Variants in MID2 observed in about 807,000 individuals in gnomAD.
The protein encoded by MID2 is probable E3 ubiquitin-protein ligase MID2.
In MID2, 13 loss-of-function variants were observed where a neutral mutation model predicts 46.1. The observed-to-expected ratio is 0.28, with a 90% CI of 0.18 to 0.45. The LOEUF (loss-of-function observed/expected upper bound fraction) is 0.45, where lower values mean the gene tolerates loss of function less well. Ranked by LOEUF, MID2 falls within the 20% of genes least tolerant of loss-of-function variation. The pLI is 1.00. For synonymous variants in MID2, 199 were observed against 212.3 expected (o/e 0.94, Z 0.55); for missense variants, 431 against 575.4 (o/e 0.75, Z 2.57).
chrX:107,894,066 C>G (rs998400551), intron 3 of MID2, among the ~76,000 whole-genome samples: 7 of 112,016 alleles, frequency 6.2e-5, no homozygotes, highest in African/African-American at 2.3e-4. Flanking sequence ...TCCCTGCCTC[C>G]CTCATCTGGT....
chrX:107,918,812 A>G (rs781438964), intron 7 of MID2, among the ~76,000 whole-genome samples: 2 of 112,321 alleles, frequency 1.8e-5, no homozygotes, highest in South Asian at 7.4e-4. Context: ...TTTTCCTGAT[A>G]TGGGGAAAGC....
chrX:107,831,214 G>C (rs1010788119), intron 1 of MID2, among the ~76,000 whole-genome samples: 1 of 111,434 alleles, frequency 9.0e-6, no homozygotes, highest in African/African-American at 3.3e-5. Flanking sequence ...TTGGGTTCTG[G>C]CCTCCCTGCA....
Position 107,931,229 on chromosome X carries a change from GGA to G in MID2, c.*4160_*4161del. ...TTTGATACTGCTTCCTCCAAGGAAT[GGA>G]GAGTGTCAGGCAGGTAGGTAAGAAC... is the stretch of plus-strand genomic sequence containing the variant. On this transcript the variant is annotated 3_prime_UTR_variant, in exon 10 of 10. Transcript: ENST00000262843. Among the ~76,000 whole-genome samples the G allele has an allele frequency of 8.9e-6, 1 of 112,299 alleles. No homozygotes were observed. The highest frequency in any genetic ancestry group is 2.8e-4 in the East Asian group (1 of 3,581).
chrX:107,862,778 G>A (rs995622668), intron 3 of MID2, among the ~76,000 whole-genome samples: 10 of 112,190 alleles, frequency 8.9e-5, no homozygotes, highest in African/African-American at 3.2e-4. Flanking sequence ...GATTTAAAAT[G>A]TTTATTAGCA....
chrX:107,860,138 G>A (rs2085224259), intron 3 of MID2, among the ~76,000 whole-genome samples: 2 of 111,325 alleles, frequency 1.8e-5, no homozygotes, highest in South Asian at 7.7e-4. Context: ...GAGAGATGAA[G>A]GCCCAGCTTG....
At chrX:107,918,292 A>G (rs1933007210) in intron 7 of MID2, among the ~76,000 whole-genome samples, 1 of 111,479 alleles carries the variant, frequency 9.0e-6, no homozygotes, top group Non-Finnish European at 1.9e-5. Context: ...AACTTCACTC[A>G]TGCCAGTCAA....
At chrX:107,898,863 G>A (rs1405061965) in intron 3 of MID2, among the ~76,000 whole-genome samples, 1 of 112,121 alleles carries the variant, frequency 8.9e-6, no homozygotes, top group Admixed American at 9.5e-5. Context: ...AGAGTGGAGA[G>A]CACTGAGACG....
chrX:107,913,076 A>C lies in MID2; in HGVS notation c.1074-2926A>C, dbSNP rs112919920. On this transcript the variant is annotated intron_variant, in intron 5 of 9. Transcript: ENST00000262843. ...GACAGTCAGATACACACACACACAC[A>C]CCCCACCATGTCACTTTTAACCCAT... Among the ~76,000 whole-genome samples the C allele has an allele frequency of 8.8e-3, 976 of 110,939 alleles. 6 individuals are homozygous for C. Among genetic ancestry groups the C allele is most frequent in the Middle Eastern group, 0.028 (6 of 215 alleles).
At chrX:107,841,605 G>A (rs1931349323) in intron 2 of MID2, among the ~76,000 whole-genome samples, 1 of 112,455 alleles carries the variant, frequency 8.9e-6, no homozygotes, top group Non-Finnish European at 1.9e-5. Context: ...CTTTTGGGGA[G>A]TCAGCTCATG....
chrX:107,827,462 G>A (rs1025748305), intron 1 of MID2, among the ~76,000 whole-genome samples: 1 of 111,091 alleles, frequency 9.0e-6, no homozygotes, highest in African/African-American at 3.3e-5. Flanking sequence ...AGTGTGGGGC[G>A]GATAGATGGT....
intron 3 of MID2, among the ~76,000 whole-genome samples, chrX:107,866,422 AACACACACAC>A (rs57100746): frequency 0.075 from 6,044 of 81,072 alleles, 243 homozygotes; most frequent in African/African-American, 0.13. Flanking sequence ...AGCCACTGAA[AACACACACAC>A]ACACACACAC....
At chrX:107,826,482 G>A in intron 1 of MID2, 52 bp downstream of exon 1, 1 of 1,115,384 alleles carries the variant, frequency 9.0e-7, no homozygotes, top group East Asian at 3.9e-5. Context: ...CGTAGCCCTC[G>A]CAGGGCTAGT....
intron 3 of MID2, among the ~76,000 whole-genome samples, chrX:107,902,240 T>C (rs1402275262): frequency 8.9e-6 from 1 of 111,854 alleles, no homozygotes; most frequent in African/African-American, 3.3e-5. Flanking sequence ...ATGCCAGGCA[T>C]ATAGTGTTAT....
rs369983621 is a variant in MID2 at position 107,899,444 on chromosome X, T to C, written c.817-4514T>C. 4.6e-4 allele frequency among the ~76,000 whole-genome samples: 51 copies of C among 111,099 alleles called. No homozygotes were observed. The East Asian group carries it at 8.5e-3, about 19-fold the overall frequency. ...GTGGAAATTGGGGAAGACTAGGTCT[T>C]ACTCTACAGTCAGTCTTTGGGCTGG... On this transcript the variant is annotated intron_variant, in intron 3 of 9. Coordinates refer to ENST00000262843, the MANE Select transcript of MID2 (RefSeq NM_012216.4).
At chrX:107,916,893 C>G in intron 6 of MID2, among the ~76,000 whole-genome samples, 1 of 112,650 alleles carries the variant, frequency 8.9e-6, no homozygotes, top group Non-Finnish European at 1.9e-5. Context: ...ATAATCCCAG[C>G]ACCTTGGGAG....
At chrX:107,893,900 G>A (rs929845027) in intron 3 of MID2, among the ~76,000 whole-genome samples, 5 of 112,802 alleles carry the variant, frequency 4.4e-5, no homozygotes, top group African/African-American at 6.4e-5. Flanking sequence ...ATATTTAAGC[G>A]CATTTCTGCA....
intron 3 of MID2, among the ~76,000 whole-genome samples, chrX:107,862,050 C>T (rs1044231072): frequency 6.3e-5 from 7 of 111,897 alleles, no homozygotes; most frequent in African/African-American, 2.3e-4. Context: ...ACTAATAATA[C>T]ATTGAAGAGA....
intron 3 of MID2, among the ~76,000 whole-genome samples, chrX:107,857,536 C>T (rs978875060): frequency 5.4e-5 from 6 of 111,926 alleles, no homozygotes; most frequent in Non-Finnish European, 1.1e-4. Context: ...CCGCCTTGGC[C>T]TCCCAAAGTG....
chrX:107,840,561 A>G, intron 1 of MID2, 109 bp from the exon 2 acceptor site: 10 of 606,166 alleles, frequency 1.6e-5, no homozygotes, highest in East Asian at 3.3e-5. Context: ...TTGCTTAAGC[A>G]TCTCTGGGGA....
Sources: gnomAD v4.1 joint callset for allele counts (sites outside exome capture counted in the v4.1 genomes callset) on GRCh38, gnomAD v4.1.1 for gene constraint, MANE v1.5 for transcripts, NCBI Gene and HGNC (gene_info 2026-07-23, HGNC 2026-07-21) for gene names.